Variants in GMDS observed in about 807,000 individuals in gnomAD.
GMDS encodes GDP-mannose 4,6 dehydratase.
In GMDS, 20 loss-of-function variants were observed where a neutral mutation model predicts 49.9. The ratio of observed to expected loss-of-function variants is 0.40; its 90% confidence interval spans 0.28 to 0.58. The LOEUF (loss-of-function observed/expected upper bound fraction) is 0.58. Ranked by LOEUF, GMDS falls within the 20% of genes least tolerant of loss-of-function variation. The pLI is 0.42. For synonymous variants in GMDS, 177 were observed against 178.6 expected (o/e 0.99, Z 0.07); for missense variants, 362 against 481.4 (o/e 0.75, Z 2.32).
chr6:1,870,497 A>G (rs1758679744), intron 7 of GMDS, among the ~76,000 whole-genome samples: 1 of 151,830 alleles, frequency 6.6e-6, no homozygotes, highest in African/African-American at 2.4e-5. Flanking sequence ...CAGCTGCAAA[A>G]CAGTCCGAGC....
chr6:2,199,952 A>T (rs1023564145), intron 1 of GMDS, among the ~76,000 whole-genome samples: 17 of 152,384 alleles, frequency 1.1e-4, no homozygotes, highest in African/African-American at 4.1e-4. Context: ...TATATATGGT[A>T]AATGCTATTC....
chr6:1,749,982 TC>T (rs1371801854), intron 7 of GMDS, among the ~76,000 whole-genome samples: 1 of 152,126 alleles, frequency 6.6e-6, no homozygotes, highest in East Asian at 1.9e-4. Flanking sequence ...CAGGCATGCA[TC>T]ACCACACTTG....
In GMDS at chr6:2,111,496, A is replaced by G. The variant is rs528541783; in HGVS notation, c.345+4275T>C. 9.7e-3 allele frequency among the ~76,000 whole-genome samples: 1,480 copies of G among 152,260 alleles called. 10 individuals carry two copies. The highest frequency in any genetic ancestry group is 0.014 in the Non-Finnish European group (976 of 68,026). On this transcript the variant is annotated intron_variant, in intron 4 of 10. Transcript: ENST00000380815. ...TGGGTTTATTCCAAGAACCAATTTC[A>G]TCTTCGCTGGTTTCCTACAGGAAAC...
intron 1 of GMDS, among the ~76,000 whole-genome samples, chr6:2,205,518 A>G (rs887713786): frequency 2.0e-5 from 3 of 152,228 alleles, no homozygotes; most frequent in Non-Finnish European, 2.9e-5. Flanking sequence ...AATGAGGATT[A>G]CATCACAAAT....
chr6:1,663,495 C>T (rs988868600), intron 9 of GMDS, among the ~76,000 whole-genome samples: 2 of 152,184 alleles, frequency 1.3e-5, no homozygotes, highest in Admixed American at 6.5e-5. Context: ...ATCCTTGCCC[C>T]TGCGGAATTT....
intron 4 of GMDS, among the ~76,000 whole-genome samples, chr6:1,964,419 G>A (rs986397649): frequency 6.6e-6 from 1 of 152,130 alleles, no homozygotes; most frequent in East Asian, 1.9e-4. Flanking sequence ...GGCATTTTGC[G>A]AGTATATATT....
At chr6:2,106,582 G>T (rs1009410577) in intron 4 of GMDS, among the ~76,000 whole-genome samples, 1 of 151,992 alleles carries the variant, frequency 6.6e-6, no homozygotes, top group Non-Finnish European at 1.5e-5. Flanking sequence ...AAGAATCCTG[G>T]CTGGGCAAGG....
chr6:2,200,130 A>G (rs1019392618), intron 1 of GMDS, among the ~76,000 whole-genome samples: 8 of 152,244 alleles, frequency 5.3e-5, no homozygotes, highest in Admixed American at 5.2e-4. Flanking sequence ...GGCAGCAGAG[A>G]CTCCAGCAGT....
At position 2,020,419 on chromosome 6, in the gene GMDS, A is replaced by C. The variant is rs920076375; in HGVS notation, c.346-59453T>G. Among the ~76,000 whole-genome samples, 11 of 152,204 alleles carry C rather than the reference A, an allele frequency of 7.2e-5. 1 individual carries two copies. The highest frequency in any genetic ancestry group is 7.2e-4 in the Admixed American group (11 of 15,294). ...CAAGATTTAGAAACTAAGATTATATAAAAAGAATCTGAAATGTCTTAATAT... is the reference window on the plus strand; with the variant it reads ...CAAGATTTAGAAACTAAGATTATATCAAAAGAATCTGAAATGTCTTAATAT... On this transcript the variant is annotated intron_variant, in intron 4 of 10. Transcript: ENST00000380815.
intron 4 of GMDS, among the ~76,000 whole-genome samples, chr6:2,048,295 G>T (rs956934489): frequency 6.6e-6 from 1 of 152,092 alleles, no homozygotes; most frequent in African/African-American, 2.4e-5. Flanking sequence ...GTTATAGATG[G>T]TATAAGAATT....
At chr6:1,630,284 C>T (rs560370993) in intron 9 of GMDS, among the ~76,000 whole-genome samples, 14 of 152,378 alleles carry the variant, frequency 9.2e-5, no homozygotes, top group East Asian at 7.7e-4. Context: ...ATGAGTGCGG[C>T]GGTCCTCTTT....
chr6:2,017,934 G>A (rs373461224), intron 4 of GMDS, among the ~76,000 whole-genome samples: 1 of 152,058 alleles, frequency 6.6e-6, no homozygotes, highest in Admixed American at 6.5e-5. Flanking sequence ...AGCTGCATAC[G>A]CTGCAGGTAT....
chr6:1,749,362 C>T (rs547743317), intron 7 of GMDS, among the ~76,000 whole-genome samples: 31 of 151,814 alleles, frequency 2.0e-4, no homozygotes, highest in Admixed American at 5.3e-4. Context: ...CTGAGGCAGG[C>T]GGATATCTTG....
chr6:1,679,259 G>T (rs1459876070), intron 9 of GMDS: 5 of 152,222 alleles, frequency 3.3e-5, no homozygotes, highest in Non-Finnish European at 7.3e-5. Context: ...CCAAACCTGT[G>T]CAAATAGCCC....
Position 1,960,779 on chromosome 6 carries a change from G to A in GMDS, c.533C>T (p.Pro178Leu). ...GTGTGCACGCATGTTCTCACCATAG[G>A]GTGACCGGGGATAGAAAGGGGTGGT... is the stretch of plus-strand genomic sequence containing the variant. ...KETTPFYPRS[P>L]YGAAKLYAYW... The change falls in exon 5 of 11, where the codon CCC (proline) becomes CTC (leucine). Residue 178 changes from proline (P) to leucine (L), a missense_variant. Coordinates refer to ENST00000380815, the MANE Select transcript of GMDS (RefSeq NM_001500.4). The A allele has an allele frequency of 6.3e-7, 1 of 1,593,488 alleles. No homozygotes were observed. Among genetic ancestry groups the A allele is most frequent in the Non-Finnish European group, 8.6e-7 (1 of 1,164,302 alleles).
chr6:1,637,887 G>A (rs9392313), intron 9 of GMDS, among the ~76,000 whole-genome samples: 5,615 of 152,300 alleles, frequency 0.037, 424 homozygotes, highest in East Asian at 0.24. Context: ...GTAACTTGCC[G>A]TGTGCCACTC....
chr6:1,815,418 T>C (rs1317957699), intron 7 of GMDS, among the ~76,000 whole-genome samples: 1 of 152,222 alleles, frequency 6.6e-6, no homozygotes, highest in Non-Finnish European at 1.5e-5. Context: ...ACTGCTAAGT[T>C]CTAAACGAAG....
At chr6:1,678,176 C>T (rs1365638820) in intron 9 of GMDS, among the ~76,000 whole-genome samples, 1 of 152,078 alleles carries the variant, frequency 6.6e-6, no homozygotes, top group Non-Finnish European at 1.5e-5. Flanking sequence ...AGTAGGTTCT[C>T]AAGGCGAAGA....
At chr6:1,665,854 C>T (rs4959144) in intron 9 of GMDS, among the ~76,000 whole-genome samples, 50,575 of 152,118 alleles carry the variant, frequency 0.33, 8,805 homozygotes, top group Middle Eastern at 0.47. Context: ...TGAAAAAGCT[C>T]TCCTGAGCTC....
Sources: allele counts gnomAD v4.1 joint callset (sites outside exome capture counted in the v4.1 genomes callset), GRCh38; gene constraint gnomAD v4.1.1; transcripts MANE v1.5; gene names NCBI Gene and HGNC (gene_info 2026-07-23, HGNC 2026-07-21).